Variants in IDO2 observed in about 807,000 individuals in gnomAD.
The protein encoded by IDO2 is indoleamine 2,3-dioxygenase-like 1 protein.
IDO2 carries 46 observed loss-of-function variants against 45.1 expected under a neutral mutation model. That is an observed-to-expected ratio of 1.02 (90% CI 0.80 to 1.30). The LOEUF (loss-of-function observed/expected upper bound fraction) is 1.30, where lower values mean the gene tolerates loss of function less well. Ranked by LOEUF, IDO2 falls within the 50% of genes most tolerant of loss-of-function variation. The pLI is 0.00. For missense variants in IDO2, 544 were observed against 491.8 expected (o/e 1.11, Z -1.00); for synonymous variants, 218 against 184.9 (o/e 1.18, Z -1.45).
chr8:39,936,950 A>G (rs1181150026), intron 1 of IDO2, among the ~76,000 whole-genome samples: 2 of 152,210 alleles, frequency 1.3e-5, no homozygotes, highest in Admixed American at 6.5e-5. Flanking sequence ...CAAACTTTAC[A>G]GTGAGAGGAA....
intron 8 of IDO2, among the ~76,000 whole-genome samples, chr8:39,996,382 C>T (rs967931251): frequency 1.6e-4 from 24 of 152,212 alleles, no homozygotes; most frequent in Admixed American, 2.6e-4. Flanking sequence ...TCTCTCTCTC[C>T]GCCTCAGCTG....
At chr8:39,973,009 A>T (rs916365040) in intron 3 of IDO2, among the ~76,000 whole-genome samples, 1 of 152,184 alleles carries the variant, frequency 6.6e-6, no homozygotes, top group African/African-American at 2.4e-5. Context: ...GATTTGCTTT[A>T]TTGGGATAGT....
intron 9 of IDO2, among the ~76,000 whole-genome samples, chr8:40,011,769 C>T (rs7839631): frequency 0.12 from 17,801 of 152,274 alleles, 1,098 homozygotes; most frequent in Non-Finnish European, 0.13. Flanking sequence ...GATGAGAAAG[C>T]TGAGGCTCAG....
At chr8:40,001,056 T>C (rs1802127601) in intron 8 of IDO2, among the ~76,000 whole-genome samples, 1 of 152,122 alleles carries the variant, frequency 6.6e-6, no homozygotes, top group Non-Finnish European at 1.5e-5. Context: ...CTTGAACTCC[T>C]GGCTTCAAAT....
intron 9 of IDO2, among the ~76,000 whole-genome samples, chr8:40,006,241 C>A (rs1431651630): frequency 1.3e-5 from 2 of 151,272 alleles, no homozygotes; most frequent in Non-Finnish European, 2.9e-5. Flanking sequence ...CCCATACAAC[C>A]ATTCTGTTTT....
intron 3 of IDO2, among the ~76,000 whole-genome samples, chr8:39,978,188 G>A (rs1486022434): frequency 6.6e-6 from 1 of 152,220 alleles, no homozygotes; most frequent in Non-Finnish European, 1.5e-5. Flanking sequence ...CGCTGGAGGA[G>A]CCCCAGCTCT....
intron 3 of IDO2, among the ~76,000 whole-genome samples, chr8:39,977,615 A>G (rs932484796): frequency 1.3e-5 from 2 of 152,214 alleles, no homozygotes; most frequent in Admixed American, 1.3e-4. Flanking sequence ...CAGAAGTTCA[A>G]AGCTGCAGTG....
Position 39,959,563 on chromosome 8 carries a change from T to C in IDO2, c.100-4045T>C, listed in dbSNP as rs112102353. 1.6e-3 allele frequency among the ~76,000 whole-genome samples: 129 copies of C among 78,216 alleles called. 3 individuals are homozygous for C. The highest frequency in any genetic ancestry group is 7.0e-3 in the Middle Eastern group (1 of 142). 51.3% of individuals were successfully genotyped at this position (78,216 alleles called of 152,430 possible). On this transcript the variant is annotated intron_variant, in intron 2 of 10. Transcript: ENST00000502986. ...TTGGCTGGGCACAGTGGGTCACACC[T>C]GTAATCTTAGCACTTTGAGAGGCTG...
intron 6 of IDO2, 194 bp downstream of exon 6, chr8:39,985,716 T>A (rs374710886): frequency 8.7e-6 from 5 of 575,114 alleles, no homozygotes; most frequent in Non-Finnish European, 1.5e-5. Flanking sequence ...GCCTCTTCCT[T>A]GTATAGATAA....
intron 8 of IDO2, among the ~76,000 whole-genome samples, chr8:40,004,730 A>G (rs1247350461): frequency 1.3e-5 from 2 of 152,224 alleles, no homozygotes; most frequent in African/African-American, 4.8e-5. Context: ...GCTTCCTTAC[A>G]TACAAGTTAG....
chr8:39,967,968 T>G (rs544582114), intron 3 of IDO2, among the ~76,000 whole-genome samples: 1 of 151,936 alleles, frequency 6.6e-6, no homozygotes, highest in South Asian at 2.1e-4. Context: ...AGATTTACCA[T>G]GCAACTCAGC....
intron 3 of IDO2, among the ~76,000 whole-genome samples, chr8:39,972,549 G>A (rs1484010336): frequency 2.1e-5 from 3 of 139,710 alleles, no homozygotes; most frequent in Admixed American, 7.8e-5. Context: ...GGCAGAGGTT[G>A]CAGTGAGTCA....
chr8:40,002,702 C>T (rs1219310320), intron 8 of IDO2, among the ~76,000 whole-genome samples: 2 of 152,078 alleles, frequency 1.3e-5, no homozygotes, highest in Non-Finnish European at 2.9e-5. Context: ...ATCGCTTGAA[C>T]CTGGCAGGCG....
intron 3 of IDO2, among the ~76,000 whole-genome samples, chr8:39,976,148 T>C (rs1312973801): frequency 6.6e-6 from 1 of 151,912 alleles, no homozygotes; most frequent in Non-Finnish European, 1.5e-5. Context: ...CCTGGCTAAT[T>C]TTTGTATTTT....
At chr8:39,968,668 C>G (rs1368671258) in intron 3 of IDO2, among the ~76,000 whole-genome samples, 1 of 150,722 alleles carries the variant, frequency 6.6e-6, no homozygotes, top group African/African-American at 2.4e-5. Context: ...AATGAGAACA[C>G]AAGGACACAG....
chr8:40,008,364 C>A (rs1264076228), intron 9 of IDO2, among the ~76,000 whole-genome samples: 1 of 152,074 alleles, frequency 6.6e-6, no homozygotes, highest in Non-Finnish European at 1.5e-5. Flanking sequence ...CAATTCTAAT[C>A]CTTCTAGCAC....
chr8:39,970,501 C>T (rs954195514), intron 3 of IDO2, among the ~76,000 whole-genome samples: 2 of 152,200 alleles, frequency 1.3e-5, no homozygotes, highest in African/African-American at 4.8e-5. Flanking sequence ...AAGCAATTCT[C>T]CTGCCTCAGC....
intron 1 of IDO2, among the ~76,000 whole-genome samples, chr8:39,947,508 G>A (rs147008897): frequency 0.01 from 1,590 of 152,230 alleles, 30 homozygotes; most frequent in African/African-American, 0.034. Context: ...CTTTCTCAGC[G>A]TTCCACAAGT....
At chr8:40,011,458 A>C (rs190901266) in intron 9 of IDO2, among the ~76,000 whole-genome samples, 1 of 152,324 alleles carries the variant, frequency 6.6e-6, no homozygotes, top group African/African-American at 2.4e-5. Flanking sequence ...TCCCCATAAA[A>C]TGTTGTTCAT....
Sources: allele counts gnomAD v4.1 joint callset (sites outside exome capture counted in the v4.1 genomes callset), GRCh38; gene constraint gnomAD v4.1.1; transcripts MANE v1.5; gene names NCBI Gene and HGNC (gene_info 2026-07-23, HGNC 2026-07-21).